TMEM232: variants seen among roughly 807,000 people sequenced by gnomAD.
TMEM232 encodes transmembrane protein 232.
In TMEM232, 80 loss-of-function variants were observed where a neutral mutation model predicts 78.8. The observed-to-expected ratio is 1.01, with a 90% CI of 0.85 to 1.22. The LOEUF is 1.22. TMEM232 is among the 50% of genes most tolerant of loss of function. The pLI is 0.00. For synonymous variants in TMEM232, 297 were observed against 254.3 expected, an observed-to-expected ratio of 1.17 and a Z score of -1.60; for missense variants, 881 against 742.2, an observed-to-expected ratio of 1.19 and a Z score of -2.17.
Position 110,687,835 on chromosome 5 carries a change from T to C in TMEM232, c.-12-20471A>G, listed in dbSNP as rs1793617976. 5.9e-5 allele frequency among the ~76,000 whole-genome samples: 9 copies of C among 152,244 alleles called. No homozygotes were observed. In the South Asian group the frequency reaches 1.9e-3, roughly 32 times the overall value. The stretch of plus-strand genomic sequence containing the variant: ...ATATGTTGGAAAATGGATTATCTTA[T>C]TCATTTTGGGGTACCACACTTACAT... On this transcript the variant is annotated intron_variant, in intron 1 of 13. Transcript: ENST00000455884.
chr5:110,537,091 G>A (rs1372075032), intron 11 of TMEM232, among the ~76,000 whole-genome samples: 4 of 151,874 alleles, frequency 2.6e-5, no homozygotes, highest in African/African-American at 7.3e-5. Context: ...AGCATCACTC[G>A]GGTCACTTGA....
At chr5:110,454,996 A>G (rs932951719) in intron 12 of TMEM232, among the ~76,000 whole-genome samples, 1 of 152,146 alleles carries the variant, frequency 6.6e-6, no homozygotes, top group African/African-American at 2.4e-5. Flanking sequence ...AAAATGAAAG[A>G]CAGAACTTAG....
At chr5:110,705,791 T>C (rs1218552244) in intron 1 of TMEM232, among the ~76,000 whole-genome samples, 2 of 151,048 alleles carry the variant, frequency 1.3e-5, no homozygotes, top group Admixed American at 1.3e-4. Context: ...TATGTGTGTG[T>C]ATAAAATACT....
chr5:110,609,110 C>T (rs1781860576), intron 8 of TMEM232, among the ~76,000 whole-genome samples: 1 of 152,024 alleles, frequency 6.6e-6, no homozygotes, highest in Admixed American at 6.6e-5. Flanking sequence ...TCCATTTCCT[C>T]AATTAGTGGA....
intron 12 of TMEM232, among the ~76,000 whole-genome samples, chr5:110,515,025 GA>G (rs1768395301): frequency 6.6e-6 from 1 of 152,174 alleles, no homozygotes; most frequent in African/African-American, 2.4e-5. Context: ...ATATGAGGGA[GA>G]AGAAAACAGC....
At chr5:110,729,760 C>T (rs74565519), upstream of TMEM232, among the ~76,000 whole-genome samples, 405 of 152,300 alleles carry the variant, frequency 2.7e-3, 2 homozygotes, top group Non-Finnish European at 4.3e-3. Flanking sequence ...TCCTCTAGAA[C>T]AGCATTTTTT....
intron 3 of TMEM232, among the ~76,000 whole-genome samples, chr5:110,392,762 G>A (rs772013770): frequency 2.6e-5 from 4 of 152,116 alleles, no homozygotes; most frequent in Non-Finnish European, 5.9e-5. Context: ...TTCAAAATAT[G>A]AATTTCAAGG....
intron 1 of TMEM232, among the ~76,000 whole-genome samples, chr5:110,698,056 G>T (rs1795004308): frequency 6.6e-6 from 1 of 152,148 alleles, no homozygotes; most frequent in Non-Finnish European, 1.5e-5. Context: ...AACAATGATA[G>T]ACTGGATTAA....
At chr5:110,730,525 A>G (rs1798577384), upstream of TMEM232, among the ~76,000 whole-genome samples, 1 of 152,196 alleles carries the variant, frequency 6.6e-6, no homozygotes, top group Admixed American at 6.5e-5. Context: ...CAAAACTGGG[A>G]ACAAAATGAG....
At chr5:110,421,324 G>A (rs1230960845) in intron 13 of TMEM232, among the ~76,000 whole-genome samples, 1 of 151,508 alleles carries the variant, frequency 6.6e-6, no homozygotes, top group Non-Finnish European at 1.5e-5. Flanking sequence ...TATAACCCAT[G>A]ATGTCATGTA....
intron 1 of TMEM232, among the ~76,000 whole-genome samples, chr5:110,698,182 C>A (rs1795022994): frequency 6.6e-6 from 1 of 151,356 alleles, no homozygotes; most frequent in Admixed American, 6.6e-5. Flanking sequence ...CAAACTATCA[C>A]AAGGAAAAAA....
chr5:110,665,160 A>C (rs535716449), intron 2 of TMEM232, among the ~76,000 whole-genome samples: 1 of 152,302 alleles, frequency 6.6e-6, no homozygotes, highest in African/African-American at 2.4e-5. Flanking sequence ...CAATTTCTTA[A>C]AATTTAAAAA....
At chr5:110,675,708 T>C (rs1791944589) in intron 1 of TMEM232, among the ~76,000 whole-genome samples, 9 of 152,352 alleles carry the variant, frequency 5.9e-5, no homozygotes, top group Admixed American at 2.6e-4. Flanking sequence ...TGTTTTCATA[T>C]ATGCATACAT....
intron 6 of TMEM232, among the ~76,000 whole-genome samples, chr5:110,625,813 GACAA>G (rs61139403): frequency 0.019 from 2,801 of 145,754 alleles, 105 homozygotes; most frequent in African/African-American, 0.068. Flanking sequence ...ATTGATTCTA[GACAA>G]ACATTCTCCA....
chr5:110,523,150 G>T (rs1015617717), intron 12 of TMEM232, among the ~76,000 whole-genome samples: 2 of 152,058 alleles, frequency 1.3e-5, no homozygotes, highest in Non-Finnish European at 2.9e-5. Context: ...TATGTTTCTA[G>T]GAATGTATCC....
intron 5 of TMEM232, among the ~76,000 whole-genome samples, chr5:110,637,618 CTTTCT>C (rs1485186320): frequency 4.0e-5 from 6 of 151,562 alleles, no homozygotes; most frequent in Non-Finnish European, 1.5e-5. Context: ...TACTTTTAGC[CTTTCT>C]TTTCTTTCTT....
intron 11 of TMEM232, among the ~76,000 whole-genome samples, chr5:110,539,880 C>T (rs937993365): frequency 3.9e-5 from 6 of 152,134 alleles, no homozygotes; most frequent in Non-Finnish European, 8.8e-5. Flanking sequence ...CAAATATCCC[C>T]AGAACGAGTG....
intron 10 of TMEM232, among the ~76,000 whole-genome samples, chr5:110,596,733 C>A (rs1489133274): frequency 1.3e-5 from 2 of 152,100 alleles, no homozygotes; most frequent in Admixed American, 1.3e-4. Flanking sequence ...TAAATGTAAT[C>A]CAGCATATAA....
rs183224647 is a variant in TMEM232 at position 110,425,205 on chromosome 5, G to T, written c.1704-289C>A. On this transcript the variant is annotated intron_variant, in intron 12 of 13. Coordinates refer to ENST00000455884, the MANE Select transcript of TMEM232 (RefSeq NM_001039763.4). The stretch of plus-strand genomic sequence containing the variant: ...AGTTCTGGTGGAAGCCTAAGCCTAA[G>T]AATTTGTTCTAAGATATGCTGAAAA... Among the ~76,000 whole-genome samples, 1,198 of 152,044 alleles carry T rather than the reference G, an allele frequency of 7.9e-3. 12 individuals are homozygous for T. Among genetic ancestry groups the T allele is most frequent in the Non-Finnish European group, 0.012 (818 of 67,932 alleles).
Sources: gnomAD v4.1 joint callset for allele counts (sites outside exome capture counted in the v4.1 genomes callset) on GRCh38, gnomAD v4.1.1 for gene constraint, MANE v1.5 for transcripts, NCBI Gene and HGNC (gene_info 2026-07-23, HGNC 2026-07-21) for gene names.